Variants in SERGEF observed in about 807,000 individuals in gnomAD.
SERGEF encodes secretion-regulating guanine nucleotide exchange factor.
Under a neutral mutation model 50.0 loss-of-function variants are expected in SERGEF, and 51 were observed. The observed-to-expected ratio is 1.02, with a 90% CI of 0.81 to 1.29. The LOEUF (loss-of-function observed/expected upper bound fraction) is 1.29. SERGEF is among the 50% of genes most tolerant of loss of function. The pLI is 0.00. For missense variants in SERGEF, 521 were observed against 557.0 expected, an observed-to-expected ratio of 0.94 and a Z score of 0.65; for synonymous variants, 205 against 212.4, an observed-to-expected ratio of 0.97 and a Z score of 0.30.
chr11:17,964,032 A>AT (rs1853068560), intron 8 of SERGEF, among the ~76,000 whole-genome samples: 1 of 152,198 alleles, frequency 6.6e-6, no homozygotes, highest in South Asian at 2.1e-4. Context: ...ATTAGATGTG[A>AT]TTTTAAAAGG....
intron 10 of SERGEF, among the ~76,000 whole-genome samples, chr11:17,869,996 G>A (rs1343041913): frequency 6.6e-6 from 1 of 152,192 alleles, no homozygotes; most frequent in Admixed American, 6.5e-5. Flanking sequence ...GAGAGACCAG[G>A]TGGAGGTAAT....
At chr11:17,795,560 C>T (rs1162779186) in intron 10 of SERGEF, among the ~76,000 whole-genome samples, 2 of 152,164 alleles carry the variant, frequency 1.3e-5, no homozygotes, top group Non-Finnish European at 2.9e-5. Context: ...TTAGCTGGCT[C>T]CCAAGGCCCT....
chr11:17,845,451 G>A (rs1850589829), intron 10 of SERGEF, among the ~76,000 whole-genome samples: 2 of 152,190 alleles, frequency 1.3e-5, no homozygotes. Context: ...GCAGTGCTGA[G>A]TGAAGAGGCA....
chr11:17,859,612 A>G (rs1311671906), intron 10 of SERGEF, among the ~76,000 whole-genome samples: 2 of 152,216 alleles, frequency 1.3e-5, no homozygotes, highest in African/African-American at 4.8e-5. Context: ...ATGAATAAAG[A>G]AGATACATAT....
At chr11:17,992,031 G>A (rs146416530) in intron 7 of SERGEF, among the ~76,000 whole-genome samples, 1 of 152,266 alleles carries the variant, frequency 6.6e-6, no homozygotes, top group Non-Finnish European at 1.5e-5. Flanking sequence ...AGGGATTACT[G>A]TCACTTTCAA....
At chr11:17,866,067 G>A (rs11824720) in intron 10 of SERGEF, among the ~76,000 whole-genome samples, 4,925 of 152,262 alleles carry the variant, frequency 0.032, 250 homozygotes, top group African/African-American at 0.11. Context: ...GTAACCAATA[G>A]AACTAAAAAA....
At chr11:17,947,541 C>G (rs140874456) in intron 9 of SERGEF, among the ~76,000 whole-genome samples, 2 of 152,172 alleles carry the variant, frequency 1.3e-5, no homozygotes, top group Admixed American at 6.5e-5. Context: ...TAGTTTGTGC[C>G]CAGACACCAA....
At chr11:17,800,763 T>C (rs910010873) in intron 10 of SERGEF, among the ~76,000 whole-genome samples, 53 of 152,108 alleles carry the variant, frequency 3.5e-4, no homozygotes, top group African/African-American at 1.2e-3. Context: ...GCCATATCTG[T>C]GGGAAGAACT....
intron 10 of SERGEF, among the ~76,000 whole-genome samples, chr11:17,804,713 C>G (rs1849727358): frequency 6.6e-6 from 1 of 152,176 alleles, no homozygotes; most frequent in Non-Finnish European, 1.5e-5. Context: ...GGAAGAGACT[C>G]TGCAAATAAA....
chr11:17,910,099 G>A (rs141470914), intron 9 of SERGEF, among the ~76,000 whole-genome samples: 65 of 146,832 alleles, frequency 4.4e-4, no homozygotes, highest in Middle Eastern at 3.4e-3. Flanking sequence ...AGGGGTTAAA[G>A]GAGGCCTACA....
In SERGEF at chr11:17,888,060, G is replaced by A. The variant is rs901383731; in HGVS notation, c.1012-9816C>T. ...GAGCACAAACCCTATTGTGAACTCC[G>A]CGTGGGAGGGATCTAGGCTGCGCAA... On this transcript the variant is annotated intron_variant, in intron 9 of 10. Transcript: ENST00000265965. The surrounding 1 kb of genome is among the most constrained non-coding windows in gnomAD (Gnocchi z 4.1). Among the ~76,000 whole-genome samples the A allele has an allele frequency of 2.0e-5, 3 of 152,272 alleles. No homozygotes were observed. The highest frequency in any genetic ancestry group is 3.4e-3 in the Middle Eastern group (1 of 294).
At chr11:18,002,131 T>G (rs1853975871) in intron 4 of SERGEF, 1 of 408,624 alleles carries the variant, frequency 2.4e-6, no homozygotes, top group African/African-American at 2.1e-5. Flanking sequence ...TTTGAACATA[T>G]TGTCCTTTAT....
chr11:17,885,307 A>G (rs548705787), intron 9 of SERGEF, among the ~76,000 whole-genome samples: 31 of 152,098 alleles, frequency 2.0e-4, no homozygotes, highest in Non-Finnish European at 4.0e-4. Flanking sequence ...TCTTCTCACC[A>G]TAATATCATG....
intron 9 of SERGEF, among the ~76,000 whole-genome samples, chr11:17,907,048 C>T (rs1189338951): frequency 6.6e-6 from 1 of 151,494 alleles, no homozygotes; most frequent in Non-Finnish European, 1.5e-5. Flanking sequence ...GTCCATGACC[C>T]TCGGAAAGCT....
intron 9 of SERGEF, among the ~76,000 whole-genome samples, chr11:17,883,403 T>C (rs1851372434): frequency 6.6e-6 from 1 of 152,260 alleles, no homozygotes; most frequent in South Asian, 2.1e-4. Flanking sequence ...TGTACCTGTT[T>C]GTAAAAACAG....
intron 9 of SERGEF, among the ~76,000 whole-genome samples, chr11:17,922,387 T>G (rs759595292): frequency 1.3e-5 from 2 of 152,174 alleles, no homozygotes; most frequent in Non-Finnish European, 2.9e-5. Flanking sequence ...CTTAGGGTCA[T>G]GAGGTTACCC....
chr11:17,953,415 T>A (rs1852806982), intron 9 of SERGEF, among the ~76,000 whole-genome samples: 1 of 152,210 alleles, frequency 6.6e-6, no homozygotes, highest in South Asian at 2.1e-4. Context: ...ACTATGAGAC[T>A]CATCATCAAT....
intron 8 of SERGEF, among the ~76,000 whole-genome samples, chr11:17,979,468 A>T (rs555992677): frequency 6.6e-6 from 1 of 152,282 alleles, no homozygotes; most frequent in South Asian, 2.1e-4. Context: ...AGACCACCAA[A>T]TAGTGGGGAA....
intron 10 of SERGEF, among the ~76,000 whole-genome samples, chr11:17,813,205 G>A (rs144448708): frequency 8.5e-5 from 13 of 152,254 alleles, no homozygotes; most frequent in South Asian, 6.2e-4. Context: ...TCTACCTCAC[G>A]AAGCTGGTGT....
Sources: allele counts gnomAD v4.1 joint callset (sites outside exome capture counted in the v4.1 genomes callset), GRCh38; gene constraint gnomAD v4.1.1; non-coding constraint Gnocchi (gnomAD v3.1); transcripts MANE v1.5; gene names NCBI Gene and HGNC (gene_info 2026-07-23, HGNC 2026-07-21).